The following PRKN variants were observed in gnomAD, a reference collection of about 807,000 sequenced individuals.
PRKN encodes parkin RBR E3 ubiquitin protein ligase.
Under a neutral mutation model 59.5 loss-of-function variants are expected in PRKN, and 56 were observed. That is an observed-to-expected ratio of 0.94 (90% CI 0.76 to 1.18). The LOEUF (loss-of-function observed/expected upper bound fraction) is 1.18. Ranked by LOEUF, PRKN falls within the 50% of genes most tolerant of loss-of-function variation. The probability of loss-of-function intolerance (pLI) is 0.00; values close to 1 mark genes in which losing one functional copy is unlikely to be tolerated. For missense variants in PRKN, 657 were observed against 596.4 expected (o/e 1.10, Z -1.06); for synonymous variants, 250 against 222.1 (o/e 1.13, Z -1.12).
chr6:162,263,160 A>C (rs1583284961), intron 2 of PRKN: 3 of 261,550 alleles, frequency 1.1e-5, no homozygotes, highest in Non-Finnish European at 2.2e-5. Context: ...GCTCATTGCA[A>C]CCTCTGCCTG....
At chr6:162,468,376 A>G (rs903613865) in intron 1 of PRKN, among the ~76,000 whole-genome samples, 2 of 152,180 alleles carry the variant, frequency 1.3e-5, no homozygotes, top group Non-Finnish European at 2.9e-5. Context: ...TAATAACTGG[A>G]CTGAGAGAAA....
At chr6:162,460,295 G>C (rs1030470509) in intron 1 of PRKN, among the ~76,000 whole-genome samples, 1 of 152,162 alleles carries the variant, frequency 6.6e-6, no homozygotes, top group Non-Finnish European at 1.5e-5. Flanking sequence ...CATTGATATT[G>C]AATGTCTAGA....
chr6:161,561,147 A>G lies in PRKN; in HGVS notation c.933+8208T>C, dbSNP rs1780441668. On this transcript the variant is annotated intron_variant, in intron 8 of 11. Transcript: ENST00000366898. The surrounding 1 kb of genome is among the most constrained non-coding windows in gnomAD (Gnocchi z 5.0). ...CCGCCGAAAAAAGGGGTGAAATAAA[A>G]AAGATGAAATGAGGATAGTTACAAA... Among the ~76,000 whole-genome samples, 1 of 152,248 alleles carries G rather than the reference A, an allele frequency of 6.6e-6. No individual in the cohort carries two copies. The highest frequency in any genetic ancestry group is 1.5e-5 in the Non-Finnish European group (1 of 68,050).
At chr6:161,955,329 C>A (rs1354995618) in intron 6 of PRKN, among the ~76,000 whole-genome samples, 1 of 152,064 alleles carries the variant, frequency 6.6e-6, no homozygotes, top group Non-Finnish European at 1.5e-5. Flanking sequence ...GAAAAAACTA[C>A]CCCGGATGAA....
At chr6:162,198,005 G>A (rs768757627) in intron 4 of PRKN, among the ~76,000 whole-genome samples, 6 of 152,136 alleles carry the variant, frequency 3.9e-5, no homozygotes, top group Non-Finnish European at 8.8e-5. Context: ...GGACACTTTG[G>A]TAGAATGAAG....
At chr6:161,867,741 A>ATTTATTTATTTATTTG (rs1794174359) in intron 6 of PRKN, among the ~76,000 whole-genome samples, 1 of 12,338 alleles carries the variant, frequency 8.1e-5, no homozygotes, top group South Asian at 2.3e-3. Context: ...AAAATCTTTC[A>ATTTATTTATTTATTTG]TTTATTTATT....
rs377004266 is a variant in PRKN at position 162,106,474 on chromosome 6, GTAATACAACCAAGCAGTTGAAA to G, written c.535-52322_535-52301del. Among the ~76,000 whole-genome samples, 331 of 151,648 alleles carry G rather than the reference GTAATACAACCAAGCAGTTGAAA, an allele frequency of 2.2e-3. 4 individuals are homozygous for G. The highest frequency in any genetic ancestry group is 7.5e-3 in the African/African-American group (310 of 41,344). ...TCCATAATTAAAGATATTTTAAATG[GTAATACAACCAAGCAGTTGAAA>G]TAACCTAAACATTTCAACTTCATTA... On this transcript the variant is annotated intron_variant, in intron 4 of 11. Coordinates refer to ENST00000366898, the MANE Select transcript of PRKN (RefSeq NM_004562.3).
At chr6:162,303,291 G>C (rs9456757) in intron 2 of PRKN, among the ~76,000 whole-genome samples, 18,673 of 152,028 alleles carry the variant, frequency 0.12, 2,454 homozygotes, top group African/African-American at 0.33. Flanking sequence ...AGTTTTCAAA[G>C]AACTTTGATT....
intron 6 of PRKN, among the ~76,000 whole-genome samples, chr6:161,883,656 A>AT (rs909073933): frequency 3.3e-5 from 5 of 151,702 alleles, no homozygotes; most frequent in Admixed American, 2.0e-4. Flanking sequence ...TTTTATTTTT[A>AT]TTTTTTTTAT....
chr6:162,549,075 G>A (rs1256696455), intron 1 of PRKN, among the ~76,000 whole-genome samples: 3 of 152,018 alleles, frequency 2.0e-5, no homozygotes, highest in Non-Finnish European at 2.9e-5. Context: ...TAGGAGGTAG[G>A]GCATTCGGAG....
At chr6:161,542,675 T>C (rs1435488295) in intron 9 of PRKN, among the ~76,000 whole-genome samples, 1 of 152,236 alleles carries the variant, frequency 6.6e-6, no homozygotes, top group Non-Finnish European at 1.5e-5. Flanking sequence ...TAAAATGCTC[T>C]TTGATGAAGA....
intron 1 of PRKN, among the ~76,000 whole-genome samples, chr6:162,510,773 A>G (rs1174838965): frequency 6.6e-6 from 1 of 152,010 alleles, no homozygotes; most frequent in Admixed American, 6.6e-5. Flanking sequence ...AATGCAAAAA[A>G]TTAGCCAGGT....
rs187844530 is a variant in PRKN, at chr6:161,416,846, T to C, written c.1084-29969A>G. Among the ~76,000 whole-genome samples the C allele has an allele frequency of 3.7e-4, 56 of 152,280 alleles. No homozygotes were observed. The East Asian group carries it at 9.1e-3, about 25-fold the overall frequency. Reference sequence around the variant, plus strand: ...CCTCCTGCCCAGGGGCCTTGGCGTTTTGAAGACTCCCCCATCTAGACGTCC... The same window carrying C: ...CCTCCTGCCCAGGGGCCTTGGCGTTCTGAAGACTCCCCCATCTAGACGTCC... On this transcript the variant is annotated intron_variant, in intron 9 of 11. Transcript: ENST00000366898.
intron 4 of PRKN, among the ~76,000 whole-genome samples, chr6:162,172,948 G>A (rs940668473): frequency 5.9e-5 from 9 of 152,092 alleles, no homozygotes; most frequent in Non-Finnish European, 1.0e-4. Flanking sequence ...GCAACCCCCT[G>A]AGGGGCTGAA....
chr6:162,234,311 G>C (rs1226257218), intron 3 of PRKN, among the ~76,000 whole-genome samples: 1 of 152,164 alleles, frequency 6.6e-6, no homozygotes, highest in Non-Finnish European at 1.5e-5. Context: ...GCCCCAGTGA[G>C]CTGGCTTTAG....
rs118146661 is a variant in PRKN at position 161,576,616 on chromosome 6, C to T, written c.872-7200G>A. Among the ~76,000 whole-genome samples, 515 of 152,274 alleles carry T rather than the reference C, an allele frequency of 3.4e-3. 1 individual carries two copies. Among genetic ancestry groups the T allele is most frequent in the Non-Finnish European group, 5.2e-3 (356 of 68,006 alleles). ...GTGAAAAATTAAAACAGACAAAAAT[C>T]CCTCATTGGAGCTTGCATTCTAAAG... On this transcript the variant is annotated intron_variant, in intron 7 of 11. Coordinates refer to ENST00000366898, the MANE Select transcript of PRKN (RefSeq NM_004562.3). The surrounding 1 kb of genome is among the most constrained non-coding windows in gnomAD (Gnocchi z 4.6).
intron 2 of PRKN, among the ~76,000 whole-genome samples, chr6:162,371,056 C>T (rs73602267): frequency 0.028 from 4,281 of 152,234 alleles, 193 homozygotes; most frequent in African/African-American, 0.098. Flanking sequence ...CAAAGCCAGA[C>T]GAAGACAGAA....
intron 1 of PRKN, among the ~76,000 whole-genome samples, chr6:162,450,429 T>TAAATGC (rs1562774367): frequency 6.6e-6 from 1 of 150,654 alleles, no homozygotes; most frequent in African/African-American, 2.5e-5. Context: ...CCTGTGATTG[T>TAAATGC]CTTCCTCCTG....
At chr6:162,134,656 G>A (rs1781498805) in intron 4 of PRKN, among the ~76,000 whole-genome samples, 1 of 152,186 alleles carries the variant, frequency 6.6e-6, no homozygotes, top group Non-Finnish European at 1.5e-5. Flanking sequence ...GTGAGGATTT[G>A]GACCTGCTTC....
Sources: allele counts gnomAD v4.1 joint callset (sites outside exome capture counted in the v4.1 genomes callset), GRCh38; gene constraint gnomAD v4.1.1; non-coding constraint Gnocchi (gnomAD v3.1); transcripts MANE v1.5; gene names NCBI Gene and HGNC (gene_info 2026-07-23, HGNC 2026-07-21).